Variants in NCKAP5 observed in about 807,000 individuals in gnomAD.
NCKAP5 encodes the protein nck-associated protein 5.
NCKAP5 carries 92 observed loss-of-function variants against 167.0 expected under a neutral mutation model. The observed-to-expected ratio is 0.55, with a 90% CI of 0.47 to 0.66. The LOEUF is 0.66. Ranked by LOEUF, NCKAP5 falls within the 30% of genes least tolerant of loss-of-function variation. The probability of loss-of-function intolerance (pLI) is 0.00; values close to 1 mark genes in which losing one functional copy is unlikely to be tolerated. For synonymous variants in NCKAP5, 891 were observed against 877.4 expected (o/e 1.02, Z -0.27); for missense variants, 2,378 against 2,315.0 (o/e 1.03, Z -0.56).
intron 3 of NCKAP5, among the ~76,000 whole-genome samples, chr2:133,329,265 G>C (rs1682666348): frequency 6.6e-6 from 1 of 152,100 alleles, no homozygotes; most frequent in African/African-American, 2.4e-5. Flanking sequence ...GCCTGTGGAG[G>C]GGGCAGGGGA....
At chr2:133,284,290 C>T (rs1282461180) in intron 4 of NCKAP5, among the ~76,000 whole-genome samples, 1 of 152,074 alleles carries the variant, frequency 6.6e-6, no homozygotes, top group African/African-American at 2.4e-5. Flanking sequence ...AAAGGAAGCC[C>T]TACCCCATAG....
At position 132,728,971 on chromosome 2, in the gene NCKAP5, G is replaced by T; in HGVS notation, c.5444-19C>A. The T allele has an allele frequency of 6.2e-7, 1 of 1,613,458 alleles. No homozygotes were observed. The highest frequency in any genetic ancestry group is 8.5e-7 in the Non-Finnish European group (1 of 1,179,634). On this transcript the variant is annotated intron_variant, in intron 17 of 19. Transcript: ENST00000409261. ...ACTTTTCCTAAATGAGGACACGTAT[G>T]TGGAATCACATATCACCTTTCATCA...
intron 6 of NCKAP5, among the ~76,000 whole-genome samples, chr2:133,043,531 T>A (rs2079285092): frequency 6.6e-6 from 1 of 151,976 alleles, no homozygotes; most frequent in Non-Finnish European, 1.5e-5. Context: ...TAAAAAAAAT[T>A]GCAAAAAAAA....
intron 4 of NCKAP5, among the ~76,000 whole-genome samples, chr2:133,228,001 C>A (rs1199344574): frequency 6.6e-6 from 1 of 152,148 alleles, no homozygotes. Context: ...TCCAACGATG[C>A]CCTAGTTGAG....
intron 16 of NCKAP5, among the ~76,000 whole-genome samples, chr2:132,763,794 A>G (rs890237442): frequency 2.0e-5 from 3 of 152,314 alleles, no homozygotes; most frequent in Middle Eastern, 3.4e-3. Flanking sequence ...ATCACAATGC[A>G]TTTGAATTGT....
intron 3 of NCKAP5, among the ~76,000 whole-genome samples, chr2:133,329,001 C>T (rs148237569): frequency 6.6e-6 from 1 of 152,132 alleles, no homozygotes; most frequent in African/African-American, 2.4e-5. Context: ...AAAAGAAAGG[C>T]AATAAAAAGG....
intron 3 of NCKAP5, among the ~76,000 whole-genome samples, chr2:133,364,094 AATC>A (rs1685299041): frequency 6.6e-6 from 1 of 152,140 alleles, no homozygotes; most frequent in Non-Finnish European, 1.5e-5. Flanking sequence ...GTCATCATCT[AATC>A]ATCATTATTA....
intron 2 of NCKAP5, chr2:133,556,851 A>C (rs1268295225): frequency 1.3e-5 from 2 of 152,314 alleles, no homozygotes; most frequent in South Asian, 2.1e-4. Context: ...GATCTGAGTA[A>C]GTATTTCTTA....
chr2:132,827,937 G>C (rs1276325938), intron 11 of NCKAP5, among the ~76,000 whole-genome samples: 4 of 152,106 alleles, frequency 2.6e-5, no homozygotes, highest in Non-Finnish European at 2.9e-5. Flanking sequence ...TAGTCCTTAG[G>C]GGAAGCAGTA....
chr2:132,942,381 C>T (rs1228051359), intron 8 of NCKAP5, among the ~76,000 whole-genome samples: 1 of 152,158 alleles, frequency 6.6e-6, no homozygotes, highest in Non-Finnish European at 1.5e-5. Flanking sequence ...GAGGTTGGGC[C>T]TGAGACTCTG....
chr2:132,774,167 AG>A (rs1431342701), intron 15 of NCKAP5, among the ~76,000 whole-genome samples: 3 of 152,336 alleles, frequency 2.0e-5, no homozygotes, highest in Non-Finnish European at 4.4e-5. Flanking sequence ...GAGAATTTAC[AG>A]GGTATCTAAT....
chr2:132,849,056 T>C (rs1225083470), intron 11 of NCKAP5, among the ~76,000 whole-genome samples: 1 of 152,192 alleles, frequency 6.6e-6, no homozygotes. Context: ...ATGATGCAGA[T>C]GATCATCGTG....
chr2:132,837,842 C>T (rs561582345), intron 11 of NCKAP5, among the ~76,000 whole-genome samples: 6 of 152,254 alleles, frequency 3.9e-5, no homozygotes, highest in African/African-American at 1.4e-4. Flanking sequence ...CTCCAAATGC[C>T]AGGAACTGGA....
chr2:132,704,715 T>C (rs1688192378), intron 19 of NCKAP5, among the ~76,000 whole-genome samples: 1 of 152,210 alleles, frequency 6.6e-6, no homozygotes, highest in African/African-American at 2.4e-5. Flanking sequence ...CATGGTTCAT[T>C]GTAATCATTT....
rs562298567 is a variant in NCKAP5, at chr2:133,366,418, T to C, written c.70-63308A>G. Among the ~76,000 whole-genome samples, 5 of 152,252 alleles carry C rather than the reference T, an allele frequency of 3.3e-5. No homozygotes were observed. In the East Asian group the frequency reaches 9.7e-4, roughly 29 times the overall value. ...CCTGGGTTCAAGGGCTTCTTCTGCC[T>C]CAACCTCCCGAGTAGCTGGGATTAC... On this transcript the variant is annotated intron_variant, in intron 3 of 19. Transcript: ENST00000409261.
chr2:132,859,763 T>C (rs77797077), intron 11 of NCKAP5, among the ~76,000 whole-genome samples: 106 of 152,278 alleles, frequency 7.0e-4, no homozygotes, highest in African/African-American at 2.5e-3. Flanking sequence ...CATGGGAGCT[T>C]GTTTAAGCAA....
intron 6 of NCKAP5, among the ~76,000 whole-genome samples, chr2:133,045,699 AT>A (rs1171399571): frequency 2.6e-5 from 4 of 152,198 alleles, no homozygotes; most frequent in African/African-American, 7.2e-5. Flanking sequence ...ACAGTAAGAG[AT>A]TAACAATAAT....
chr2:132,707,748 G>T (rs553002512), intron 19 of NCKAP5, among the ~76,000 whole-genome samples: 8 of 152,308 alleles, frequency 5.3e-5, no homozygotes, highest in African/African-American at 1.9e-4. Flanking sequence ...GAGCCCAGAA[G>T]ATCCTAGAAT....
the NCKAP5 span, among the ~76,000 whole-genome samples, chr2:133,603,172 C>A: frequency 6.6e-6 from 1 of 151,908 alleles, no homozygotes; most frequent in African/African-American, 2.4e-5. Context: ...AGTATTTGGC[C>A]CCCAGAAGCA....
Sources: gnomAD v4.1 joint callset for allele counts (sites outside exome capture counted in the v4.1 genomes callset) on GRCh38, gnomAD v4.1.1 for gene constraint, MANE v1.5 for transcripts, NCBI Gene and HGNC (gene_info 2026-07-23, HGNC 2026-07-21) for gene names.